The following INPP5J variants were observed in gnomAD, a reference collection of about 807,000 sequenced individuals.
INPP5J encodes phosphatidylinositol 4,5-bisphosphate 5-phosphatase A.
In INPP5J, 75 loss-of-function variants were observed where a neutral mutation model predicts 86.6. That is an observed-to-expected ratio of 0.87 (90% confidence interval 0.72 to 1.05). The LOEUF is 1.05. INPP5J is among the 50% of genes least tolerant of loss of function. INPP5J has a pLI of 0.00. For missense variants in INPP5J, 1,229 were observed against 1,341.2 expected, an observed-to-expected ratio of 0.92 and a Z score of 1.31; for synonymous variants, 540 against 550.0, an observed-to-expected ratio of 0.98 and a Z score of 0.25.
chr22:31,124,267 A>G (rs1189516603), intron 1 of INPP5J: 1 of 986,390 alleles, frequency 1.0e-6, no homozygotes, highest in Admixed American at 6.1e-5. Context: ...GGAATGGGTA[A>G]GAGAACAGAG....
intron 9 of INPP5J, among the ~76,000 whole-genome samples, chr22:31,131,644 A>G (rs1032905512): frequency 3.7e-4 from 56 of 151,898 alleles, no homozygotes; most frequent in Admixed American, 6.6e-5. Flanking sequence ...ATCCTTTTGA[A>G]TGCCTCAGTA....
rs557620451 is a variant in INPP5J at position 31,134,663 on chromosome 22, A to G, written c.*244A>G. On this transcript the variant is annotated 3_prime_UTR_variant, in exon 13 of 13. Transcript: ENST00000331075. Reference sequence around the variant, plus strand: ...GCTCTGGCAGATGTCCCAATCCTGGAGGTCATCCATTAGGAATTAAATTCT... The same window carrying G: ...GCTCTGGCAGATGTCCCAATCCTGGGGGTCATCCATTAGGAATTAAATTCT... The G allele has an allele frequency of 5.8e-5, 24 of 412,008 alleles. No homozygotes were observed. The highest frequency in any genetic ancestry group is 1.2e-4 in the African/African-American group (6 of 49,018). 25.5% of individuals were successfully genotyped at this position (412,008 alleles called of 1,614,324 possible).
Position 31,128,203 on chromosome 22 carries a change from ACCCCCCACAGCTCAACATGG to A in INPP5J, c.1900-8_1911del. The A allele has an allele frequency of 1.5e-5, 23 of 1,576,664 alleles. No homozygotes were observed. The highest frequency in any genetic ancestry group is 2.0e-5 in the Non-Finnish European group (23 of 1,159,424). ...GCTGTTGTCCAATCTGCTCTCCTGGACCCCCCACAGCTCAACATGGCCAAGAACACCTGGCCCATTCTGAA... is the reference window on the plus strand; with the variant it reads ...GCTGTTGTCCAATCTGCTCTCCTGGACCAAGAACACCTGGCCCATTCTGAA... On this transcript the variant is annotated splice_acceptor_variant and splice_polypyrimidine_tract_variant and coding_sequence_variant and intron_variant, in exon 8 of 13. Coordinates refer to ENST00000331075, the MANE Select transcript of INPP5J (RefSeq NM_001284285.2). LOFTEE classifies it high-confidence loss of function.
rs754572894 is a variant in INPP5J, at chr22:31,125,034, A to G, written c.295A>G (p.Thr99Ala). 1 of 1,553,110 alleles carries G rather than the reference A, an allele frequency of 6.4e-7. No individual in the cohort carries two copies. Among genetic ancestry groups the G allele is most frequent in the South Asian group, 1.2e-5 (1 of 84,592 alleles). ...TACCCCTGAAGGGCAGAAAACAGCT[A>G]CTGCCCACCGCAGCTCCAGCCTGGC... ...LCTPEGQKTA[T>A]AHRSSSLAPT... is the part of the protein sequence containing the mutation. The change falls in exon 2 of 13, where the codon ACT becomes GCT. Residue 99 changes from threonine (T) to alanine (A), a missense_variant. Coordinates refer to ENST00000331075, the MANE Select transcript of INPP5J (RefSeq NM_001284285.2).
rs1555980427 is a variant in INPP5J at position 31,126,661 on chromosome 22, C to T, written c.1434C>T (p.Leu478=). The T allele has an allele frequency of 6.2e-7, 1 of 1,613,990 alleles. No homozygotes were observed. The change falls in exon 4 of 13, where the codon CTC becomes CTT. Residue 478 remains leucine (L), a synonymous_variant. Coordinates refer to ENST00000331075, the MANE Select transcript of INPP5J (RefSeq NM_001284285.2). ...TCAACAAGCGACTCAAGGACGCCCT[C>T]TTCACGGACCAGTGGAGTGAGCTGT... is the stretch of plus-strand genomic sequence containing the variant. ...SMLNKRLKDA[L]FTDQWSELFM...
At chr22:31,123,166 TC>T in intron 1 of INPP5J, 47 bp downstream of exon 1, 1 of 1,181,652 alleles carries the variant, frequency 8.5e-7, no homozygotes, top group Non-Finnish European at 1.1e-6. Flanking sequence ...GATCCCTGGT[TC>T]CACACACCCC....
Position 31,125,733 on chromosome 22 carries a change from C to T in INPP5J, c.994C>T (p.Pro332Ser). Residue 332 changes from proline (P) to serine (S), a missense_variant, in exon 2 of 13, where the codon CCC becomes TCC. Pro to Ser is a moderately conservative substitution (Grantham distance 74). Coordinates refer to ENST00000331075, the MANE Select transcript of INPP5J (RefSeq NM_001284285.2). The stretch of plus-strand genomic sequence containing the variant: ...GTCCCCCACCTTCCGGCCTGGGGCC[C>T]CCTCAGGCCAGACTGTGCCCCCACC... ...LLSPTFRPGA[P>S]SGQTVPPPLP... 1 of 1,550,748 alleles carries T rather than the reference C, an allele frequency of 6.4e-7. No homozygotes were observed. The highest frequency in any genetic ancestry group is 8.7e-7 in the Non-Finnish European group (1 of 1,146,410).
intron 9 of INPP5J, among the ~76,000 whole-genome samples, chr22:31,132,619 G>A (rs1442695533): frequency 1.3e-5 from 2 of 152,014 alleles, no homozygotes; most frequent in East Asian, 1.9e-4. Context: ...GGTACCTGTG[G>A]TCTCAGCTAC....
intron 5 of INPP5J, 54 bp downstream of exon 5, chr22:31,127,091 T>TA (rs766718117): frequency 3.3e-6 from 4 of 1,221,278 alleles, no homozygotes; most frequent in Admixed American, 2.0e-5. Flanking sequence ...GGCTTTAGAT[T>TA]AGTCCCCCCG....
At chr22:31,126,802 C>A in intron 4 of INPP5J, 81 bp downstream of exon 4, 1 of 1,446,688 alleles carries the variant, frequency 6.9e-7, no homozygotes, top group Non-Finnish European at 9.7e-7. Context: ...CACTGTGGGG[C>A]CCGCTGGGCC....
intron 9 of INPP5J, among the ~76,000 whole-genome samples, chr22:31,129,543 T>C (rs1470041070): frequency 1.6e-5 from 1 of 63,208 alleles, no homozygotes; most frequent in Non-Finnish European, 3.1e-5. Context: ...CCCGGCGCCC[T>C]TTTTTTTTTT....
chr22:31,123,448 C>T (rs1377765528), intron 1 of INPP5J, among the ~76,000 whole-genome samples: 1 of 152,072 alleles, frequency 6.6e-6, no homozygotes, highest in African/African-American at 2.4e-5. Context: ...GGGGGCTTGT[C>T]GCTGAAGACT....
chr22:31,133,116 A>G lies in INPP5J; in HGVS notation c.2212A>G (p.Met738Val). The change falls in exon 10 of 13, where the codon ATG (methionine) becomes GTG (valine). Residue 738 changes from methionine to valine, a missense_variant. Coordinates refer to ENST00000331075, the MANE Select transcript of INPP5J (RefSeq NM_001284285.2). ...TGGACAGTTTGCCTTCAGGGACGAC[A>G]TGCCACTGGTGCGGCTGGAGGTGGC... is the stretch of plus-strand genomic sequence containing the variant. ...FLLQFAFRDD[M>V]PLVRLEVADE... 6.4e-7 allele frequency: 1 copy of G among 1,565,320 alleles called. No individual in the cohort carries two copies. The highest frequency in any genetic ancestry group is 2.4e-5 in the East Asian group (1 of 42,122).
At chr22:31,133,333 T>G in intron 10 of INPP5J, 73 bp from the exon 11 acceptor site, 1 of 1,591,044 alleles carries the variant, frequency 6.3e-7, no homozygotes, top group African/African-American at 1.3e-5. Context: ...CAGATCTTGA[T>G]GCCACACTGG....
intron 6 of INPP5J, 90 bp from the exon 7 acceptor site, chr22:31,127,861 G>A: frequency 1.2e-6 from 1 of 800,430 alleles, no homozygotes; most frequent in South Asian, 1.6e-5. Flanking sequence ...TGGATGGGCT[G>A]GAAGGATCTG....
In INPP5J at chr22:31,122,985, A is replaced by G. The variant is rs1357321483; in HGVS notation, c.-30A>G. 1.5e-6 allele frequency: 2 copies of G among 1,373,472 alleles called. No individual in the cohort carries two copies. Among genetic ancestry groups the G allele is most frequent in the South Asian group, 1.6e-5 (1 of 63,822 alleles). 85.1% of individuals were successfully genotyped at this position (1,373,472 alleles called of 1,614,324 possible). On this transcript the variant is annotated 5_prime_UTR_variant, in exon 1 of 13. Coordinates refer to ENST00000331075, the MANE Select transcript of INPP5J (RefSeq NM_001284285.2). ...AGCGGTAGAGCTGGAGCCGGAGCCA[A>G]GGGAGTCCAGGCTGCCGGGGGCTGC...
At chr22:31,128,760 C>A in intron 9 of INPP5J, 106 bp downstream of exon 9, 1 of 971,434 alleles carries the variant, frequency 1.0e-6, no homozygotes, top group Non-Finnish European at 1.5e-6. Context: ...CTGCCCTCAG[C>A]AGCATCCATT....
rs765766816 is a variant in INPP5J, at chr22:31,125,893, G to T, written c.1154G>T (p.Ser385Ile). 2.5e-6 allele frequency: 4 copies of T among 1,611,194 alleles called. No individual in the cohort carries two copies. Among genetic ancestry groups the T allele is most frequent in the Non-Finnish European group, 3.4e-6 (4 of 1,178,240 alleles). The part of the protein sequence containing the change: ...TQSTGPGRCL[S>I]PNLQAQEAPA... Reference sequence around the variant, plus strand: ...AGTACAGGGCCTGGCAGGTGCCTGAGCCCCAACCTTCAGGCCCAAGAAGCC... The same window carrying T: ...AGTACAGGGCCTGGCAGGTGCCTGATCCCCAACCTTCAGGCCCAAGAAGCC... Residue 385 changes from serine to isoleucine, a missense_variant, in exon 2 of 13, where the codon AGC (serine) becomes ATC (isoleucine). Transcript: ENST00000331075.
In INPP5J at chr22:31,125,599, C is replaced by T. The variant is rs1921303730; in HGVS notation, c.860C>T (p.Ala287Val). Residue 287 changes from alanine to valine, a missense_variant, in exon 2 of 13, where the codon GCC (alanine) becomes GTC (valine). Ala to Val is a moderately conservative substitution (Grantham distance 64, BLOSUM62 0). Coordinates refer to ENST00000331075, the MANE Select transcript of INPP5J (RefSeq NM_001284285.2). ...CCCTCCTTCCGAGCCCGGCCTGAGGCCCTCCACAGCAGCCCTGAGGATCCT... is the reference window on the plus strand; with the variant it reads ...CCCTCCTTCCGAGCCCGGCCTGAGGTCCTCCACAGCAGCCCTGAGGATCCT... ...LSPSFRARPE[A>V]LHSSPEDPVL... is the part of the protein sequence containing the mutation. 6.4e-7 allele frequency: 1 copy of T among 1,550,572 alleles called. No homozygotes were observed. The highest frequency in any genetic ancestry group is 8.7e-7 in the Non-Finnish European group (1 of 1,146,996).
Sources: allele counts gnomAD v4.1 joint callset (sites outside exome capture counted in the v4.1 genomes callset), GRCh38; gene constraint gnomAD v4.1.1; transcripts MANE v1.5; gene names NCBI Gene and HGNC (gene_info 2026-07-23, HGNC 2026-07-21).